The following NIPAL4 variants were observed in gnomAD, a reference collection of about 807,000 sequenced individuals.
The protein encoded by NIPAL4 is NIPA like domain containing 4.
In NIPAL4, 21 loss-of-function variants were observed where a neutral mutation model predicts 31.6. The observed-to-expected ratio is 0.67, with a 90% CI of 0.47 to 0.96. NIPAL4 has a LOEUF of 0.96. Ranked by LOEUF, NIPAL4 falls within the 40% of genes least tolerant of loss-of-function variation. The pLI, the probability that NIPAL4 is intolerant of heterozygous loss-of-function variation, is 0.00. For missense variants in NIPAL4, 438 were observed against 508.0 expected, an observed-to-expected ratio of 0.86 and a Z score of 1.32; for synonymous variants, 175 against 211.1, an observed-to-expected ratio of 0.83 and a Z score of 1.48.
rs776557312 is a variant in NIPAL4 at position 157,468,729 on chromosome 5, T to C, written c.342T>C (p.Ala114=). The change falls in exon 4 of 6, where the codon GCT becomes GCC. Residue 114 remains alanine, a synonymous_variant. Coordinates refer to ENST00000311946, the MANE Select transcript of NIPAL4 (RefSeq NM_001099287.2). The part of the protein sequence containing the change: ...MWWAGFLTMA[A]GEVANFGAYA... Reference sequence around the variant, plus strand: ...TCTCCCTTCGTTTCCTAGTGGCTGCTGGAGAAGTTGCCAACTTTGGAGCCT... The same window carrying C: ...TCTCCCTTCGTTTCCTAGTGGCTGCCGGAGAAGTTGCCAACTTTGGAGCCT... 1 of 1,610,382 alleles carries C rather than the reference T, an allele frequency of 6.2e-7. No homozygotes were observed.
chr5:157,460,615 G>C, intron 1 of NIPAL4: 1 of 652,508 alleles, frequency 1.5e-6, no homozygotes, highest in Non-Finnish European at 2.8e-6. Context: ...GGTTAGTGGG[G>C]GGCAGGCATT....
Position 157,467,034 on chromosome 5 carries a change from C to T in NIPAL4, c.278-15C>T, listed in dbSNP as rs774463234. ...GCCAAGTTCCATCCTAACTTTGTGT[C>T]CATTCCCTCCACAGTGGATGGAGGC... On this transcript the variant is annotated splice_polypyrimidine_tract_variant and intron_variant, in intron 2 of 5. Coordinates refer to ENST00000311946, the MANE Select transcript of NIPAL4 (RefSeq NM_001099287.2). 1.2e-6 allele frequency: 2 copies of T among 1,606,788 alleles called. No homozygotes were observed. Among genetic ancestry groups the T allele is most frequent in the Admixed American group, 3.3e-5 (2 of 59,956 alleles).
intron 2 of NIPAL4, among the ~76,000 whole-genome samples, chr5:157,466,705 C>T (rs1754284416): frequency 6.6e-6 from 1 of 152,146 alleles, no homozygotes; most frequent in Non-Finnish European, 1.5e-5. Context: ...ATGAGAGTGC[C>T]ACTTACTATG....
At position 157,462,342 on chromosome 5, in the gene NIPAL4, A is replaced by G. The variant is rs147075816; in HGVS notation, c.38-752A>G. Reference sequence around the variant, plus strand: ...TTCATGGAAAATCTCCCAATTTTTAAATGTTTTCTATTTTAAAATACCTCT... The same window carrying G: ...TTCATGGAAAATCTCCCAATTTTTAGATGTTTTCTATTTTAAAATACCTCT... On this transcript the variant is annotated intron_variant, in intron 1 of 5. Transcript: ENST00000311946. Among the ~76,000 whole-genome samples the G allele has an allele frequency of 1.2e-4, 18 of 152,136 alleles. 1 individual carries two copies. Among genetic ancestry groups the G allele is most frequent in the Non-Finnish European group, 2.2e-4 (15 of 67,980 alleles).
chr5:157,472,278 G>C (rs1754460301), intron 5 of NIPAL4, 54 bp from the exon 6 acceptor site: 1 of 1,536,944 alleles, frequency 6.5e-7, no homozygotes, highest in Non-Finnish European at 8.8e-7. Context: ...CTGGGCCCTA[G>C]ACATTGCCTG....
intron 2 of NIPAL4, among the ~76,000 whole-genome samples, chr5:157,465,832 A>G (rs890909549): frequency 1.3e-5 from 2 of 152,076 alleles, no homozygotes; most frequent in Non-Finnish European, 2.9e-5. Context: ...ATCTGTACAG[A>G]AAATTTTTTT....
chr5:157,462,484 C>A (rs1189916255), intron 1 of NIPAL4, among the ~76,000 whole-genome samples: 2 of 149,430 alleles, frequency 1.3e-5, no homozygotes, highest in Non-Finnish European at 3.0e-5. Context: ...AGACCCCCAT[C>A]TCTACACAAA....
chr5:157,468,606 G>A, intron 3 of NIPAL4, 116 bp from the exon 4 acceptor site: 1 of 725,572 alleles, frequency 1.4e-6, no homozygotes, highest in East Asian at 2.5e-5. Context: ...TATGGATCAA[G>A]ATTTTAAGGA....
chr5:157,472,445 A>G lies in NIPAL4; in HGVS notation c.700A>G (p.Ile234Val). 6.2e-7 allele frequency: 1 copy of G among 1,613,496 alleles called. No homozygotes were observed. The highest frequency in any genetic ancestry group is 2.2e-5 in the East Asian group (1 of 44,872). ...CATCTACATCATCATCTGCTCTGTG[A>G]TCGGGGCCTTCTCTGTGGCTGCTGT... ...ILIYIIICSVIGAFSVAAVKG... is the reference protein window; with the variant it reads ...ILIYIIICSVVGAFSVAAVKG... The change falls in exon 6 of 6, where the codon ATC (isoleucine) becomes GTC (valine). Residue 234 changes from isoleucine to valine, a missense_variant. Transcript: ENST00000311946.
At chr5:157,471,890 G>A in intron 5 of NIPAL4, 73 bp downstream of exon 5, 2 of 1,267,992 alleles carry the variant, frequency 1.6e-6, no homozygotes, top group African/African-American at 3.0e-5. Context: ...CAAAAGGTCA[G>A]GTTGGGTTCT....
At position 157,460,363 on chromosome 5, in the gene NIPAL4, T is replaced by C. The variant is rs1754057747; in HGVS notation, c.37+6T>C. 6.5e-7 allele frequency: 1 copy of C among 1,543,818 alleles called. No individual in the cohort carries two copies. The highest frequency in any genetic ancestry group is 8.7e-7 in the Non-Finnish European group (1 of 1,145,390). ...CAACACCAGCTGCGAGAACGGTGCG[T>C]ACGGCAGGGCTGGGGACCAGGCGGG... On this transcript the variant is annotated splice_donor_region_variant and intron_variant, in intron 1 of 5. Coordinates refer to ENST00000311946, the MANE Select transcript of NIPAL4 (RefSeq NM_001099287.2).
chr5:157,472,748 A>T lies in NIPAL4; in HGVS notation c.1003A>T (p.Ile335Phe). The part of the protein sequence containing the change: ...IAGTLSGFVT[I>F]ILGVFMLHAF... ...AGGCACCCTCTCGGGCTTTGTCACCATCATCTTGGGCGTGTTCATGCTGCA... is the reference window on the plus strand; with the variant it reads ...AGGCACCCTCTCGGGCTTTGTCACCTTCATCTTGGGCGTGTTCATGCTGCA... Residue 335 changes from isoleucine (I) to phenylalanine (F), a missense_variant, in exon 6 of 6, where the codon ATC (isoleucine) becomes TTC (phenylalanine). Ile to Phe is a conservative substitution (Grantham distance 21). Transcript: ENST00000311946. 6.2e-7 allele frequency: 1 copy of T among 1,613,708 alleles called. No homozygotes were observed. The highest frequency in any genetic ancestry group is 8.5e-7 in the Non-Finnish European group (1 of 1,179,674).
In NIPAL4 at chr5:157,466,962, G is replaced by A. The variant is rs192469683; in HGVS notation, c.278-87G>A. On this transcript the variant is annotated intron_variant, in intron 2 of 5. Coordinates refer to ENST00000311946, the MANE Select transcript of NIPAL4 (RefSeq NM_001099287.2). Reference sequence around the variant, plus strand: ...CAAGCCTCAAGGAGCAGCCCTTAGAGGCCGGGGAGTGAGCAGAGAGTTAGG... The same window carrying A: ...CAAGCCTCAAGGAGCAGCCCTTAGAAGCCGGGGAGTGAGCAGAGAGTTAGG... 3.6e-5 allele frequency: 36 copies of A among 997,586 alleles called. No homozygotes were observed. The African/African-American group carries it at 4.9e-4, about 14-fold the overall frequency. The allele number at this position is 997,586 out of a possible 1,614,324, so 61.8% of individuals were successfully genotyped here. A position where few individuals can be genotyped will look rare whatever the true frequency, so the allele number is the denominator to read the frequency against.
chr5:157,463,647 G>C (rs1754173237), intron 2 of NIPAL4, among the ~76,000 whole-genome samples: 1 of 152,100 alleles, frequency 6.6e-6, no homozygotes, highest in African/African-American at 2.4e-5. Flanking sequence ...GTCTGGTCTT[G>C]GTCTTACTTC....
At chr5:157,467,558 A>C in intron 3 of NIPAL4, 1 of 174,904 alleles carries the variant, frequency 5.7e-6, no homozygotes, top group Non-Finnish European at 1.2e-5. Context: ...CTTTCCACCC[A>C]CCCTCTCCTG....
At chr5:157,467,164 A>G in intron 3 of NIPAL4, 59 bp downstream of exon 3, 28 of 598,684 alleles carry the variant, frequency 4.7e-5, no homozygotes, top group East Asian at 1.4e-4. Context: ...CTGGAGACAA[A>G]GGGAGGGGTG....
At chr5:157,466,208 ATAGAG>A (rs1282118215) in intron 2 of NIPAL4, among the ~76,000 whole-genome samples, 3 of 152,176 alleles carry the variant, frequency 2.0e-5, no homozygotes, top group Non-Finnish European at 4.4e-5. Flanking sequence ...TAGGCAAATA[ATAGAG>A]TATTCTGGAC....
chr5:157,467,845 TAG>T (rs1175454495), intron 3 of NIPAL4: 2 of 152,198 alleles, frequency 1.3e-5, no homozygotes, highest in Non-Finnish European at 2.9e-5. Context: ...GAAACTCAGA[TAG>T]AGAGAAAGAA....
At chr5:157,469,845 C>T (rs1202559430) in intron 4 of NIPAL4, among the ~76,000 whole-genome samples, 1 of 152,218 alleles carries the variant, frequency 6.6e-6, no homozygotes, top group Non-Finnish European at 1.5e-5. Flanking sequence ...AGAACTCATG[C>T]TGTACAACTC....
Sources: gnomAD v4.1 joint callset for allele counts (sites outside exome capture counted in the v4.1 genomes callset) on GRCh38, gnomAD v4.1.1 for gene constraint, MANE v1.5 for transcripts, NCBI Gene and HGNC (gene_info 2026-07-23, HGNC 2026-07-21) for gene names.